The following PITPNM2 variants were observed in gnomAD, a reference collection of about 807,000 sequenced individuals.
PITPNM2 encodes membrane-associated phosphatidylinositol transfer protein 2.
Under a neutral mutation model 132.2 loss-of-function variants are expected in PITPNM2, and 35 were observed. The observed-to-expected ratio is 0.26, with a 90% CI of 0.20 to 0.35. PITPNM2 has a LOEUF of 0.35. Among genes scored for constraint, PITPNM2 ranks in the 10% least tolerant of loss-of-function variants. The pLI, the probability that PITPNM2 is intolerant of heterozygous loss-of-function variation, is 1.00. For missense variants in PITPNM2, 1,332 were observed against 1,912.0 expected, an observed-to-expected ratio of 0.70 and a Z score of 5.66; for synonymous variants, 738 against 799.2, an observed-to-expected ratio of 0.92 and a Z score of 1.29.
At position 123,087,255 on chromosome 12, in the gene PITPNM2, C is replaced by CT. The variant is rs558222491; in HGVS notation, c.-96+23129dup. On this transcript the variant is annotated intron_variant, in intron 2 of 25. Transcript: ENST00000320201. ...GAAACCTTCTTTTTTCTTTTCTTTT[C>CT]TTTTTTTTTTTGAAACAGCGTCTCA... is the stretch of plus-strand genomic sequence containing the variant. 3.4e-3 allele frequency: 501 copies of CT among 147,238 alleles called. 2 individuals are homozygous for CT. Among genetic ancestry groups the CT allele is most frequent in the Non-Finnish European group, 5.7e-3 (379 of 66,332 alleles). The allele number at this position is 147,238 out of a possible 1,614,324, so 9.1% of individuals were successfully genotyped here.
In PITPNM2 at chr12:122,984,299, G is replaced by A. The variant is rs1320115014; in HGVS notation, c.*1728C>T. 2.0e-5 allele frequency: 3 copies of A among 152,666 alleles called. No individual in the cohort carries two copies. The highest frequency in any genetic ancestry group is 7.2e-5 in the African/African-American group (3 of 41,466). 9.5% of individuals were successfully genotyped at this position (152,666 alleles called of 1,614,324 possible). A position where few individuals can be genotyped will look rare whatever the true frequency, so the allele number is the denominator to read the frequency against. ...GGCAGCAGGCAAGACAGGATAAGGTGGGGCCAAGAGAGGAGGAGGCACTGG... is the reference window on the plus strand; with the variant it reads ...GGCAGCAGGCAAGACAGGATAAGGTAGGGCCAAGAGAGGAGGAGGCACTGG... On this transcript the variant is annotated 3_prime_UTR_variant, in exon 26 of 26. Coordinates refer to ENST00000320201, the MANE Select transcript of PITPNM2 (RefSeq NM_020845.3).
At position 123,000,815 on chromosome 12, in the gene PITPNM2, C is replaced by T; in HGVS notation, c.1187G>A (p.Arg396Lys). 6.2e-7 allele frequency: 1 copy of T among 1,614,084 alleles called. No individual in the cohort carries two copies. Among genetic ancestry groups the T allele is most frequent in the South Asian group, 1.1e-5 (1 of 91,080 alleles). Residue 396 changes from arginine (R) to lysine (K), a missense_variant, in exon 10 of 26, where the codon AGG becomes AAG. Physicochemically the swap from Arg to Lys is conservative, Grantham distance 26. Transcript: ENST00000320201. The surrounding 1 kb of genome is among the most constrained non-coding windows in gnomAD (Gnocchi z 5.4). Reference protein sequence around the residue: ...GLYRQGAPEFRVASSVEQLNI... With the variant: ...GLYRQGAPEFKVASSVEQLNI... Reference sequence around the variant, plus strand: ...CAGCTGCTCCACACTGGAGGCCACCCTGAACTCAGGGGCACCCTGGCGGTA... The same window carrying T: ...CAGCTGCTCCACACTGGAGGCCACCTTGAACTCAGGGGCACCCTGGCGGTA...
intron 1 of PITPNM2, among the ~76,000 whole-genome samples, chr12:123,138,673 G>T (rs1489414138): frequency 6.6e-6 from 1 of 152,184 alleles, no homozygotes; most frequent in Non-Finnish European, 1.5e-5. Flanking sequence ...TTGCCAGGGG[G>T]CTGGGAGAGG....
chr12:123,145,722 T>C (rs533413957), intron 1 of PITPNM2, among the ~76,000 whole-genome samples: 2 of 152,292 alleles, frequency 1.3e-5, no homozygotes, highest in Admixed American at 1.3e-4. Context: ...ATATAAGTAA[T>C]TTGGCCAGCC....
chr12:123,112,688 C>A (rs893399700), intron 1 of PITPNM2, among the ~76,000 whole-genome samples: 2 of 152,014 alleles, frequency 1.3e-5, no homozygotes, highest in African/African-American at 4.8e-5. Flanking sequence ...ACGGCGACTG[C>A]CACCACGCCT....
intron 2 of PITPNM2, among the ~76,000 whole-genome samples, chr12:123,101,033 CA>C (rs1338545592): frequency 6.6e-6 from 1 of 152,244 alleles, no homozygotes; most frequent in Non-Finnish European, 1.5e-5. Flanking sequence ...CTTTCCCAGG[CA>C]GCTGCAAGTG....
At position 122,992,435 on chromosome 12, in the gene PITPNM2, G is replaced by C. The variant is rs991536204; in HGVS notation, c.2404+64C>G. On this transcript the variant is annotated intron_variant, in intron 16 of 25. Transcript: ENST00000320201. This position sits in a 1 kb window ranked among gnomAD's most constrained non-coding sequence, Gnocchi z 6.5. Reference sequence around the variant, plus strand: ...AGAACCACGTAGCATGGAGGACCTAGGAGCCAGGGAGCCACGCTTACCCCA... The same window carrying C: ...AGAACCACGTAGCATGGAGGACCTACGAGCCAGGGAGCCACGCTTACCCCA... 1 of 1,533,358 alleles carries C rather than the reference G, an allele frequency of 6.5e-7. No homozygotes were observed. The highest frequency in any genetic ancestry group is 8.8e-7 in the Non-Finnish European group (1 of 1,137,942). 95.0% of individuals were successfully genotyped at this position (1,533,358 alleles called of 1,614,324 possible).
At chr12:123,044,847 C>T (rs187049910) in intron 2 of PITPNM2, among the ~76,000 whole-genome samples, 117 of 152,290 alleles carry the variant, frequency 7.7e-4, no homozygotes, top group Admixed American at 4.8e-3. Context: ...AACACAGTGG[C>T]GTGATCTTAG....
chr12:123,042,331 C>A (rs930407234), intron 2 of PITPNM2, among the ~76,000 whole-genome samples: 1 of 152,180 alleles, frequency 6.6e-6, no homozygotes, highest in Non-Finnish European at 1.5e-5. Flanking sequence ...TGGCCCAGGA[C>A]GAGGCGACGT....
Position 122,995,395 on chromosome 12 carries a change from A to G in PITPNM2, c.2048T>C (p.Leu683Pro). The G allele has an allele frequency of 6.3e-7, 1 of 1,594,474 alleles. No homozygotes were observed. The highest frequency in any genetic ancestry group is 8.6e-7 in the Non-Finnish European group (1 of 1,168,506). The change falls in exon 14 of 26, where the codon CTG becomes CCG. Residue 683 changes from leucine to proline, a missense_variant. Physicochemically the swap from Leu to Pro is moderately conservative, Grantham distance 98. Coordinates refer to ENST00000320201, the MANE Select transcript of PITPNM2 (RefSeq NM_020845.3). The part of the protein sequence containing the change: ...LDTIQQHQAF[L>P]SSLHASVLRT... ...GCCCCCCAGCCCTGCCCACCTGGAC[A>G]GGAAGGCCTGGTGCTGCTGGATGGT...
chr12:123,005,525 C>A lies in PITPNM2; in HGVS notation c.667G>T (p.Ala223Ser). 1 of 1,613,682 alleles carries A rather than the reference C, an allele frequency of 6.2e-7. No individual in the cohort carries two copies. Among genetic ancestry groups the A allele is most frequent in the South Asian group, 1.1e-5 (1 of 91,078 alleles). Reference protein sequence around the residue: ...DTGLRRVMVRAHRQAWCWQDE... With the variant: ...DTGLRRVMVRSHRQAWCWQDE... Reference sequence around the variant, plus strand: ...TGCCAGCACCAGGCCTGCCGGTGAGCCCGCACCATCACCCTCCGTAGTCCT... The same window carrying A: ...TGCCAGCACCAGGCCTGCCGGTGAGACCGCACCATCACCCTCCGTAGTCCT... The change falls in exon 7 of 26, where the codon GCT (alanine) becomes TCT (serine). Residue 223 changes from alanine (A) to serine (S), a missense_variant. Ala to Ser is a moderately conservative substitution (Grantham distance 99). Transcript: ENST00000320201. This position sits in a 1 kb window ranked among gnomAD's most constrained non-coding sequence, Gnocchi z 6.2.
At chr12:123,001,337 T>C (rs1373417179) in intron 8 of PITPNM2, among the ~76,000 whole-genome samples, 179 bp from the exon 9 acceptor site, 1 of 152,202 alleles carries the variant, frequency 6.6e-6, no homozygotes, top group Non-Finnish European at 1.5e-5. Flanking sequence ...AACATTCACA[T>C]AAGAAAAGTC....
At position 123,078,574 on chromosome 12, in the gene PITPNM2, C is replaced by T. The variant is rs1402871146; in HGVS notation, c.-96+31811G>A. On this transcript the variant is annotated intron_variant, in intron 2 of 25. Transcript: ENST00000320201. This position sits in a 1 kb window ranked among gnomAD's most constrained non-coding sequence, Gnocchi z 7.3. ...CGTTGTGGATTTCCACCTGCCCGGC[C>T]TCCCTGTTTCTAAAAATCTGTTGCC... Among the ~76,000 whole-genome samples the T allele has an allele frequency of 1.3e-5, 2 of 152,222 alleles. No individual in the cohort carries two copies. Among genetic ancestry groups the T allele is most frequent in the African/African-American group, 2.4e-5 (1 of 41,450 alleles).
intron 8 of PITPNM2, among the ~76,000 whole-genome samples, chr12:123,002,797 G>A (rs192940541): frequency 4.9e-4 from 74 of 152,296 alleles, no homozygotes; most frequent in Non-Finnish European, 5.4e-4. Flanking sequence ...TCAGATTAGG[G>A]TAATTAGCAT....
rs1393513418 is a variant in PITPNM2, at chr12:122,992,257, C to T, written c.2404+242G>A. Among the ~76,000 whole-genome samples the T allele has an allele frequency of 6.6e-6, 1 of 152,162 alleles. No individual in the cohort carries two copies. Among genetic ancestry groups the T allele is most frequent in the African/African-American group, 2.4e-5 (1 of 41,434 alleles). On this transcript the variant is annotated intron_variant, in intron 16 of 25. Transcript: ENST00000320201. This position sits in a 1 kb window ranked among gnomAD's most constrained non-coding sequence, Gnocchi z 6.5. The stretch of plus-strand genomic sequence containing the variant: ...TTTCCCTGCTCCGGGGACCCTGGAA[C>T]AAGGCCCTGACCTGTGTCCTCTGAA...
intron 1 of PITPNM2, among the ~76,000 whole-genome samples, chr12:123,143,585 A>AC (rs1489973221): frequency 1.3e-5 from 2 of 152,030 alleles, no homozygotes; most frequent in South Asian, 4.2e-4. Context: ...GGCCCCAGGA[A>AC]CCCCCCATCT....
chr12:123,062,581 A>G (rs2041277320), intron 2 of PITPNM2, among the ~76,000 whole-genome samples: 1 of 152,212 alleles, frequency 6.6e-6, no homozygotes, highest in African/African-American at 2.4e-5. Flanking sequence ...ATTTCAGAAT[A>G]TCCTGAACTT....
intron 3 of PITPNM2, among the ~76,000 whole-genome samples, chr12:123,028,204 G>A (rs1014865793): frequency 2.6e-5 from 4 of 152,204 alleles, no homozygotes; most frequent in South Asian, 4.1e-4. Flanking sequence ...CACCTCGGAC[G>A]GATGGCCCTC....
intron 2 of PITPNM2, among the ~76,000 whole-genome samples, chr12:123,094,072 G>A (rs60894374): frequency 0.049 from 7,424 of 152,304 alleles, 610 homozygotes; most frequent in African/African-American, 0.17. Flanking sequence ...CTGGTTAGGG[G>A]CCACATGGAC....
Sources: allele counts gnomAD v4.1 joint callset (sites outside exome capture counted in the v4.1 genomes callset), GRCh38; gene constraint gnomAD v4.1.1; non-coding constraint Gnocchi (gnomAD v3.1); transcripts MANE v1.5; gene names NCBI Gene and HGNC (gene_info 2026-07-23, HGNC 2026-07-21).